Variants in AIG1 observed in about 807,000 individuals in gnomAD.
AIG1 encodes androgen induced 1, also known as androgen-induced gene 1 protein.
Under a neutral mutation model 31.4 loss-of-function variants are expected in AIG1, and 23 were observed. The observed-to-expected ratio is 0.73, with a 90% CI of 0.53 to 1.04. The LOEUF is 1.04. Among genes scored for constraint, AIG1 ranks in the 50% least tolerant of loss-of-function variants. The probability of loss-of-function intolerance (pLI) is 0.00; values close to 1 mark genes in which losing one functional copy is unlikely to be tolerated. For synonymous variants in AIG1, 100 were observed against 110.5 expected, an observed-to-expected ratio of 0.90 and a Z score of 0.60; for missense variants, 274 against 295.0, an observed-to-expected ratio of 0.93 and a Z score of 0.52.
intron 4 of AIG1, among the ~76,000 whole-genome samples, chr6:143,318,624 A>G (rs1775954079): frequency 6.6e-6 from 1 of 152,080 alleles, no homozygotes; most frequent in Non-Finnish European, 1.5e-5. Context: ...AAACAAAGAT[A>G]AATAGATGAA....
At chr6:143,337,276 T>TG (rs1488622628) in intron 5 of AIG1, among the ~76,000 whole-genome samples, 2 of 152,150 alleles carry the variant, frequency 1.3e-5, no homozygotes, top group Non-Finnish European at 2.9e-5. Flanking sequence ...ATGCAAGTCA[T>TG]GGGGGTCCAA....
intron 1 of AIG1, among the ~76,000 whole-genome samples, chr6:143,094,511 G>T (rs142693499): frequency 6.6e-6 from 1 of 152,114 alleles, no homozygotes; most frequent in African/African-American, 2.4e-5. Flanking sequence ...AGAACCAGCC[G>T]GTGAGTAGGG....
intron 3 of AIG1, among the ~76,000 whole-genome samples, chr6:143,185,798 G>A (rs553732954): frequency 6.6e-6 from 1 of 152,250 alleles, no homozygotes; most frequent in Non-Finnish European, 1.5e-5. Flanking sequence ...TTGAGGGAAT[G>A]AACTTCTATC....
chr6:143,254,999 G>A (rs1795283566), intron 3 of AIG1, among the ~76,000 whole-genome samples: 1 of 152,122 alleles, frequency 6.6e-6, no homozygotes, highest in Non-Finnish European at 1.5e-5. Flanking sequence ...TGATCATTCT[G>A]CTGCACTCCA....
chr6:143,091,974 T>C (rs1380793855), intron 1 of AIG1, among the ~76,000 whole-genome samples: 1 of 152,166 alleles, frequency 6.6e-6, no homozygotes, highest in Non-Finnish European at 1.5e-5. Flanking sequence ...TTAGGTGTAT[T>C]AGTAATATTA....
At chr6:143,213,474 C>T (rs72990434) in intron 3 of AIG1, among the ~76,000 whole-genome samples, 5,041 of 140,490 alleles carry the variant, frequency 0.036, 102 homozygotes, top group Middle Eastern at 0.098. Context: ...CACAAGTGCA[C>T]AAGTGTCTGG....
At chr6:143,170,782 CTTTG>C (rs754200279) in intron 3 of AIG1, among the ~76,000 whole-genome samples, 42 of 151,370 alleles carry the variant, frequency 2.8e-4, no homozygotes, top group Non-Finnish European at 5.3e-4. Flanking sequence ...TGTAAATTTT[CTTTG>C]TTTATTTGAA....
chr6:143,169,382 G>T (rs1032913267), intron 3 of AIG1, among the ~76,000 whole-genome samples: 6 of 152,090 alleles, frequency 3.9e-5, no homozygotes, highest in African/African-American at 1.4e-4. Context: ...TATATAATGT[G>T]TAATGGCCAA....
At chr6:143,112,211 G>A (rs377611215) in intron 1 of AIG1, among the ~76,000 whole-genome samples, 1 of 152,038 alleles carries the variant, frequency 6.6e-6, no homozygotes, top group Non-Finnish European at 1.5e-5. Flanking sequence ...ATCACTCTGT[G>A]CCTTCCCTTC....
intron 1 of AIG1, among the ~76,000 whole-genome samples, chr6:143,098,014 C>T (rs1933274432): frequency 6.6e-6 from 1 of 152,226 alleles, no homozygotes; most frequent in African/African-American, 2.4e-5. Context: ...TCAATTGCTT[C>T]ATTTCCATCA....
rs944260475 is a variant in AIG1, at chr6:143,284,966, G to A, written c.515+741G>A. ...CAAGTCCTCTTTGACATATTAACAC[G>A]CACAGAGGAGGTCCCTCCTGCCAGC... On this transcript the variant is annotated intron_variant, in intron 4 of 5. Coordinates refer to ENST00000357847, the MANE Select transcript of AIG1 (RefSeq NM_016108.4). This position sits in a 1 kb window ranked among gnomAD's most constrained non-coding sequence, Gnocchi z 4.4. 2.8e-4 allele frequency among the ~76,000 whole-genome samples: 42 copies of A among 151,854 alleles called. No homozygotes were observed. Among genetic ancestry groups the A allele is most frequent in the African/African-American group, 1.0e-3 (42 of 41,330 alleles).
intron 3 of AIG1, among the ~76,000 whole-genome samples, chr6:143,275,298 G>A (rs1009411176): frequency 1.3e-5 from 2 of 151,946 alleles, no homozygotes; most frequent in Non-Finnish European, 2.9e-5. Flanking sequence ...AGAGGGGAGC[G>A]ACTTGACAGA....
chr6:143,096,258 G>A (rs1208845380), intron 1 of AIG1, among the ~76,000 whole-genome samples: 1 of 152,050 alleles, frequency 6.6e-6, no homozygotes, highest in Non-Finnish European at 1.5e-5. Flanking sequence ...GAAATAATCT[G>A]GCCAGATATT....
intron 4 of AIG1, among the ~76,000 whole-genome samples, chr6:143,324,652 T>C (rs2128717990): frequency 6.6e-6 from 1 of 152,262 alleles, no homozygotes; most frequent in Middle Eastern, 3.4e-3. Flanking sequence ...CAATACCTTC[T>C]CCAAAGAGCT....
intron 3 of AIG1, among the ~76,000 whole-genome samples, chr6:143,178,109 C>A (rs983870303): frequency 1.3e-5 from 2 of 152,168 alleles, no homozygotes; most frequent in East Asian, 3.9e-4. Flanking sequence ...GGAGTGCGTG[C>A]ATTGCCTCCC....
In AIG1 at chr6:143,256,348, T is replaced by C. The variant is rs1795372122; in HGVS notation, c.400-27762T>C. ...TTTAAAAGTTCCTCCAACCTCTTGTTTTCTCTCCTTCCCTTCTAAGTCTAC... is the reference window on the plus strand; with the variant it reads ...TTTAAAAGTTCCTCCAACCTCTTGTCTTCTCTCCTTCCCTTCTAAGTCTAC... On this transcript the variant is annotated intron_variant, in intron 3 of 5. Coordinates refer to ENST00000357847, the MANE Select transcript of AIG1 (RefSeq NM_016108.4). The surrounding 1 kb of genome is among the most constrained non-coding windows in gnomAD (Gnocchi z 4.6). Among the ~76,000 whole-genome samples the C allele has an allele frequency of 6.6e-6, 1 of 152,196 alleles. No individual in the cohort carries two copies. The highest frequency in any genetic ancestry group is 2.4e-5 in the African/African-American group (1 of 41,448).
In AIG1 at chr6:143,069,684, G is replaced by A. The variant is rs975980785; in HGVS notation, c.141+8618G>A. ...GTTTTATTATTATTAAGCTTTGAGA[G>A]GTTTTATGTTTGCCAAATGAAAGCT... On this transcript the variant is annotated intron_variant, in intron 1 of 5. Coordinates refer to ENST00000357847, the MANE Select transcript of AIG1 (RefSeq NM_016108.4). Among the ~76,000 whole-genome samples the A allele has an allele frequency of 7.9e-5, 12 of 152,028 alleles. 1 individual carries two copies. Among genetic ancestry groups the A allele is most frequent in the Admixed American group, 3.3e-4 (5 of 15,248 alleles).
In AIG1 at chr6:143,333,796, C is replaced by A. The variant is rs1777271460; in HGVS notation, c.679+351C>A. Among the ~76,000 whole-genome samples the A allele has an allele frequency of 6.6e-6, 1 of 152,136 alleles. No individual in the cohort carries two copies. Among genetic ancestry groups the A allele is most frequent in the African/African-American group, 2.4e-5 (1 of 41,412 alleles). ...CTGCCTTAGTTAGCTAAAGGGACCT[C>A]AAATTAAATAGATACATTATTAAAT... On this transcript the variant is annotated intron_variant, in intron 5 of 5. Coordinates refer to ENST00000357847, the MANE Select transcript of AIG1 (RefSeq NM_016108.4). This position sits in a 1 kb window ranked among gnomAD's most constrained non-coding sequence, Gnocchi z 4.6.
chr6:143,182,172 C>G (rs1289473734), intron 3 of AIG1, among the ~76,000 whole-genome samples: 1 of 152,110 alleles, frequency 6.6e-6, no homozygotes, highest in Non-Finnish European at 1.5e-5. Flanking sequence ...ACTACAGGCA[C>G]ACCCCACCAT....
Sources: allele counts gnomAD v4.1 joint callset (sites outside exome capture counted in the v4.1 genomes callset), GRCh38; gene constraint gnomAD v4.1.1; non-coding constraint Gnocchi (gnomAD v3.1); transcripts MANE v1.5; gene names NCBI Gene and HGNC (gene_info 2026-07-23, HGNC 2026-07-21).